NBAS: variants seen among roughly 807,000 people sequenced by gnomAD.
NBAS encodes NBAS subunit of NRZ tethering complex.
In NBAS, 219 loss-of-function variants were observed where a neutral mutation model predicts 302.5. The ratio of observed to expected loss-of-function variants is 0.72; its 90% CI spans 0.65 to 0.81. The LOEUF is 0.81. Among genes scored for constraint, NBAS ranks in the 30% least tolerant of loss-of-function variants. The pLI is 0.00. For missense variants in NBAS, 2,932 were observed against 2,841.6 expected (o/e 1.03, Z -0.72); for synonymous variants, 1,118 against 1,021.6 (o/e 1.09, Z -1.80).
chr2:15,294,785 G>C (rs1349282357), intron 40 of NBAS, among the ~76,000 whole-genome samples: 2 of 152,158 alleles, frequency 1.3e-5, no homozygotes, highest in Non-Finnish European at 2.9e-5. Flanking sequence ...GTTCCTTGAA[G>C]GAGTTCCTAG....
rs78697450 is a variant in NBAS at position 15,278,981 on chromosome 2, T to C, written c.5139-1880A>G. Among the ~76,000 whole-genome samples the C allele has an allele frequency of 2.6e-3, 393 of 152,282 alleles. 2 individuals carry two copies. The highest frequency in any genetic ancestry group is 8.9e-3 in the African/African-American group (371 of 41,554). On this transcript the variant is annotated intron_variant, in intron 42 of 51. Coordinates refer to ENST00000281513, the MANE Select transcript of NBAS (RefSeq NM_015909.4). ...TGGTCAGAAAATATACTTGATAATA[T>C]CACTATTCAACGAATACCATCATCT...
the NBAS span, among the ~76,000 whole-genome samples, chr2:14,921,440 C>A: frequency 6.6e-6 from 1 of 152,138 alleles, no homozygotes; most frequent in Non-Finnish European, 1.5e-5. Flanking sequence ...AAAAAAGTGC[C>A]AATCAACTTC....
At chr2:14,795,847 C>A in the NBAS span, among the ~76,000 whole-genome samples, 4 of 152,154 alleles carry the variant, frequency 2.6e-5, no homozygotes, top group African/African-American at 9.7e-5. Flanking sequence ...GCAGATATTG[C>A]AAACATCTCC....
chr2:14,971,335 T>A, the NBAS span, among the ~76,000 whole-genome samples: 1 of 151,952 alleles, frequency 6.6e-6, no homozygotes, highest in Non-Finnish European at 1.5e-5. Flanking sequence ...ACCAACATGG[T>A]GAAACCCCGT....
intron 31 of NBAS, among the ~76,000 whole-genome samples, chr2:15,371,685 A>G (rs12692260): frequency 0.63 from 95,012 of 151,996 alleles, 30,441 homozygotes; most frequent in Middle Eastern, 0.68. Context: ...AGCCCTGTAA[A>G]GTCATAGAAT....
At chr2:15,559,244 C>T (rs1292274145) in intron 1 of NBAS, among the ~76,000 whole-genome samples, 3 of 152,034 alleles carry the variant, frequency 2.0e-5, no homozygotes, top group African/African-American at 7.2e-5. Context: ...AGGCCAAAGA[C>T]CATACTGGTT....
chr2:15,318,136 T>C (rs1671605153), intron 38 of NBAS, among the ~76,000 whole-genome samples: 1 of 152,146 alleles, frequency 6.6e-6, no homozygotes, highest in Non-Finnish European at 1.5e-5. Context: ...GAATTTCATA[T>C]CCAGACAAAC....
At chr2:15,034,352 G>T in the NBAS span, among the ~76,000 whole-genome samples, 1 of 152,102 alleles carries the variant, frequency 6.6e-6, no homozygotes. Flanking sequence ...AAGCAAGCAA[G>T]AAAAAAGGGC....
the NBAS span, among the ~76,000 whole-genome samples, chr2:14,892,005 CCT>C: frequency 3.3e-5 from 5 of 152,186 alleles, no homozygotes; most frequent in Non-Finnish European, 7.3e-5. Flanking sequence ...ACCTCAGTTT[CCT>C]CTTTTATAAC....
chr2:15,477,608 A>G (rs999701610), intron 13 of NBAS, among the ~76,000 whole-genome samples: 1 of 152,204 alleles, frequency 6.6e-6, no homozygotes, highest in Admixed American at 6.5e-5. Context: ...GATTTTACTG[A>G]AGACACTTAA....
the NBAS span, among the ~76,000 whole-genome samples, chr2:15,155,069 T>A: frequency 6.6e-6 from 1 of 152,226 alleles, no homozygotes; most frequent in Non-Finnish European, 1.5e-5. Flanking sequence ...AGCTGAATGC[T>A]AAGCTAGGTA....
intron 28 of NBAS, among the ~76,000 whole-genome samples, chr2:15,389,602 G>T (rs1675488470): frequency 1.3e-5 from 2 of 152,100 alleles, no homozygotes; most frequent in Non-Finnish European, 2.9e-5. Context: ...GAAAAGACAT[G>T]GATCAAGGGG....
the NBAS span, among the ~76,000 whole-genome samples, chr2:15,074,542 A>G: frequency 5.3e-5 from 8 of 152,138 alleles, no homozygotes; most frequent in Non-Finnish European, 8.8e-5. Context: ...AAAGAAATAC[A>G]GCAACAAATT....
the NBAS span, among the ~76,000 whole-genome samples, chr2:14,805,017 T>C: frequency 6.6e-6 from 1 of 152,226 alleles, no homozygotes; most frequent in Non-Finnish European, 1.5e-5. Context: ...GTTCATTCAT[T>C]CAAGAAACAT....
chr2:14,978,578 T>C, the NBAS span, among the ~76,000 whole-genome samples: 2 of 152,162 alleles, frequency 1.3e-5, no homozygotes, highest in South Asian at 2.1e-4. Flanking sequence ...TAGCACATAA[T>C]AGGTAGACAA....
chr2:14,927,544 G>A, the NBAS span, among the ~76,000 whole-genome samples: 1 of 152,186 alleles, frequency 6.6e-6, no homozygotes, highest in Non-Finnish European at 1.5e-5. Context: ...ATCTGTTTGA[G>A]TCTGTGCTTT....
At chr2:15,230,394 A>AG (rs1491533835) in intron 47 of NBAS, among the ~76,000 whole-genome samples, 1 of 41,744 alleles carries the variant, frequency 2.4e-5, no homozygotes, top group Non-Finnish European at 4.1e-5. Context: ...TTTTTTAGGC[A>AG]AAAAAAAAAA....
intron 44 of NBAS, among the ~76,000 whole-genome samples, chr2:15,272,069 T>C (rs893787350): frequency 3.3e-5 from 5 of 152,246 alleles, no homozygotes; most frequent in African/African-American, 1.2e-4. Context: ...CCAGAGATTC[T>C]AGGAATTCTG....
At chr2:15,239,741 A>G (rs1271700333) in intron 44 of NBAS, among the ~76,000 whole-genome samples, 2 of 150,862 alleles carry the variant, frequency 1.3e-5, no homozygotes, top group Non-Finnish European at 3.0e-5. Context: ...ATTATGAGCT[A>G]TTTTTTTTTC....
Sources: gnomAD v4.1 joint callset for allele counts (sites outside exome capture counted in the v4.1 genomes callset) on GRCh38, gnomAD v4.1.1 for gene constraint, MANE v1.5 for transcripts, NCBI Gene and HGNC (gene_info 2026-07-23, HGNC 2026-07-21) for gene names.